The following PPP2R3A variants were observed in gnomAD, a reference collection of about 807,000 sequenced individuals.
The protein encoded by PPP2R3A is serine/threonine-protein phosphatase 2A regulatory subunit B'' subunit alpha.
Under a neutral mutation model 106.9 loss-of-function variants are expected in PPP2R3A, and 80 were observed. The observed-to-expected ratio is 0.75, with a 90% CI of 0.62 to 0.90. The LOEUF (loss-of-function observed/expected upper bound fraction) is 0.90, where lower values mean the gene tolerates loss of function less well. PPP2R3A is among the 40% of genes least tolerant of loss of function. The pLI is 0.00. For synonymous variants in PPP2R3A, 483 were observed against 468.3 expected (o/e 1.03, Z -0.41); for missense variants, 1,386 against 1,350.4 (o/e 1.03, Z -0.41).
At chr3:136,079,250 T>C (rs747019653) in intron 7 of PPP2R3A, 48 of 442,610 alleles carry the variant, frequency 1.1e-4, no homozygotes, top group Admixed American at 4.6e-4. Flanking sequence ...TTGATATTTA[T>C]TGAACACCTG....
chr3:136,001,399 T>G lies in PPP2R3A; in HGVS notation c.-100T>G. The G allele has an allele frequency of 2.0e-6, 2 of 1,015,322 alleles. No homozygotes were observed. The highest frequency in any genetic ancestry group is 2.9e-6 in the Non-Finnish European group (2 of 681,880). 62.9% of individuals were successfully genotyped at this position (1,015,322 alleles called of 1,614,324 possible). A position where few individuals can be genotyped will look rare whatever the true frequency, so the allele number is the denominator to read the frequency against. ...TATATTTGGAAGAAACCACTGAACA[T>G]TGTTATTAAATATATTTTCAGCTAA... On this transcript the variant is annotated 5_prime_UTR_variant, in exon 2 of 14. Transcript: ENST00000264977.
intron 5 of PPP2R3A, among the ~76,000 whole-genome samples, chr3:136,069,469 C>G (rs1276731030): frequency 6.6e-6 from 1 of 152,002 alleles, no homozygotes; most frequent in East Asian, 1.9e-4. Flanking sequence ...CCCAGCTACT[C>G]AAGAGGCTGA....
chr3:136,042,609 A>G (rs1217873542), intron 4 of PPP2R3A, among the ~76,000 whole-genome samples: 2 of 152,236 alleles, frequency 1.3e-5, no homozygotes, highest in Admixed American at 6.5e-5. Flanking sequence ...TAAGGAAGAC[A>G]TTTCTGCAAA....
chr3:136,041,268 T>G (rs1329287392), intron 4 of PPP2R3A, among the ~76,000 whole-genome samples: 8 of 132,556 alleles, frequency 6.0e-5, no homozygotes, highest in South Asian at 2.4e-4. Context: ...TTTTGTTTTT[T>G]TTTTTTTGAG....
chr3:136,068,731 C>T (rs74990848), intron 5 of PPP2R3A, among the ~76,000 whole-genome samples: 3,566 of 151,688 alleles, frequency 0.024, 156 homozygotes, highest in African/African-American at 0.081. Context: ...AAGCGTCTGC[C>T]TCCATGATAT....
intron 13 of PPP2R3A, among the ~76,000 whole-genome samples, chr3:136,130,338 T>C (rs745394959): frequency 6.6e-6 from 1 of 152,182 alleles, no homozygotes; most frequent in African/African-American, 2.4e-5. Flanking sequence ...CAAAATCAAT[T>C]GTGCAAAAAT....
At chr3:136,099,638 A>G (rs1366926408) in intron 10 of PPP2R3A, among the ~76,000 whole-genome samples, 7 of 152,040 alleles carry the variant, frequency 4.6e-5, no homozygotes, top group Non-Finnish European at 1.0e-4. Context: ...ATGAAACAAT[A>G]GGAAATAGAG....
At chr3:136,005,268 T>G (rs1933802426) in intron 2 of PPP2R3A, among the ~76,000 whole-genome samples, 1 of 152,186 alleles carries the variant, frequency 6.6e-6, no homozygotes, top group African/African-American at 2.4e-5. Context: ...ATCCCCAAGG[T>G]ATCCCATTAT....
At position 136,087,264 on chromosome 3, in the gene PPP2R3A, T is replaced by TCTCC. The variant is rs1196578184; in HGVS notation, c.2789-616_2789-615insCCTC. Among the ~76,000 whole-genome samples, 11 of 145,072 alleles carry TCTCC rather than the reference T, an allele frequency of 7.6e-5. No individual in the cohort carries two copies. The East Asian group carries it at 2.3e-3, about 30-fold the overall frequency. ...AGTCGTGTCTCTCTCTCTCTCTCTC[T>TCTCC]CTCTCTCTCTCTCTCTCTCTCTCTC... On this transcript the variant is annotated intron_variant, in intron 8 of 13. Transcript: ENST00000264977.
intron 13 of PPP2R3A, among the ~76,000 whole-genome samples, chr3:136,130,301 A>G (rs1938359732): frequency 6.6e-6 from 1 of 152,222 alleles, no homozygotes. Context: ...TTAAGCTGAT[A>G]AGCAACTTCA....
intron 5 of PPP2R3A, among the ~76,000 whole-genome samples, chr3:136,058,635 A>C (rs1006628944): frequency 3.9e-5 from 6 of 152,210 alleles, no homozygotes; most frequent in African/African-American, 1.4e-4. Flanking sequence ...GACATTCTTT[A>C]CAGAAATAGG....
rs562476376 is a variant in PPP2R3A at position 136,139,965 on chromosome 3, C to A, written c.3330-5078C>A. Among the ~76,000 whole-genome samples, 25 of 147,764 alleles carry A rather than the reference C, an allele frequency of 1.7e-4. 1 individual carries two copies. In the East Asian group the frequency reaches 4.9e-3, roughly 29 times the overall value. ...AGGTTGCAGTGAGCTGAGATAGTGCCACTGCACTCCAGTCTGAGCAACAGA... is the reference window on the plus strand; with the variant it reads ...AGGTTGCAGTGAGCTGAGATAGTGCAACTGCACTCCAGTCTGAGCAACAGA... On this transcript the variant is annotated intron_variant, in intron 13 of 13. Transcript: ENST00000264977.
At chr3:136,075,195 A>C (rs530124298) in intron 6 of PPP2R3A, among the ~76,000 whole-genome samples, 1 of 152,224 alleles carries the variant, frequency 6.6e-6, no homozygotes, top group African/African-American at 2.4e-5. Flanking sequence ...CTGACTTACA[A>C]TTTAACTTAT....
chr3:135,991,123 C>T (rs1165855160), intron 1 of PPP2R3A, among the ~76,000 whole-genome samples: 2 of 152,218 alleles, frequency 1.3e-5, no homozygotes, highest in Middle Eastern at 3.4e-3. Context: ...TCTGGTGTGT[C>T]GTCTTTTGCG....
chr3:135,970,433 A>G (rs1028519347), intron 1 of PPP2R3A, among the ~76,000 whole-genome samples: 1 of 152,184 alleles, frequency 6.6e-6, no homozygotes. Flanking sequence ...TTTAAACAAT[A>G]TTTGGTTTTT....
At chr3:136,058,294 T>G (rs1373383402) in intron 5 of PPP2R3A, among the ~76,000 whole-genome samples, 1 of 152,192 alleles carries the variant, frequency 6.6e-6, no homozygotes, top group Non-Finnish European at 1.5e-5. Flanking sequence ...CAAAAGCTTC[T>G]TAAGCTGATA....
chr3:136,086,141 AAAG>A (rs1672274663), intron 8 of PPP2R3A, among the ~76,000 whole-genome samples: 1 of 151,652 alleles, frequency 6.6e-6, no homozygotes, highest in South Asian at 2.1e-4. Flanking sequence ...AGAAAAAAAA[AAAG>A]GTTTGTTGTA....
At chr3:136,055,665 T>G in intron 5 of PPP2R3A, 2 of 1,141,256 alleles carry the variant, frequency 1.8e-6, no homozygotes, top group Non-Finnish European at 2.6e-6. Context: ...AGGTTGTTCA[T>G]AAGGAGCTTA....
At chr3:136,053,158 G>T (rs764812595) in intron 5 of PPP2R3A, among the ~76,000 whole-genome samples, 8 of 152,146 alleles carry the variant, frequency 5.3e-5, no homozygotes, top group Non-Finnish European at 1.2e-4. Flanking sequence ...AGGGAGAGGA[G>T]CAGAAAAGAT....
Sources: allele counts gnomAD v4.1 joint callset (sites outside exome capture counted in the v4.1 genomes callset), GRCh38; gene constraint gnomAD v4.1.1; transcripts MANE v1.5; gene names NCBI Gene and HGNC (gene_info 2026-07-23, HGNC 2026-07-21).